Variants in ANOS1 observed in about 807,000 individuals in gnomAD.
The protein encoded by ANOS1 is anosmin-1.
In ANOS1, 6 loss-of-function variants were observed where a neutral mutation model predicts 59.0. The ratio of observed to expected loss-of-function variants is 0.10; its 90% CI spans 0.06 to 0.20. ANOS1 has a LOEUF of 0.20. Among genes scored for constraint, ANOS1 ranks in the 10% least tolerant of loss-of-function variants. ANOS1 has a pLI of 1.00. For synonymous variants in ANOS1, 217 were observed against 223.4 expected (o/e 0.97, Z 0.25); for missense variants, 433 against 542.3 (o/e 0.80, Z 2.00).
At chrX:8,553,625 A>T (rs1435027672) in intron 9 of ANOS1, among the ~76,000 whole-genome samples, 1 of 111,553 alleles carries the variant, frequency 9.0e-6, no homozygotes, top group East Asian at 2.8e-4. Context: ...TGTATTATGG[A>T]TCTTTAAAAA....
At chrX:8,625,292 T>C (rs746038911) in intron 2 of ANOS1, among the ~76,000 whole-genome samples, 2 of 111,834 alleles carry the variant, frequency 1.8e-5, no homozygotes, top group Non-Finnish European at 3.8e-5. Flanking sequence ...TTAATAGTCA[T>C]ATAGTCAGAT....
intron 2 of ANOS1, among the ~76,000 whole-genome samples, chrX:8,660,301 T>G (rs767761932): frequency 8.9e-6 from 1 of 112,132 alleles, no homozygotes; most frequent in Admixed American, 9.4e-5. Context: ...TTAGGTTTGT[T>G]TGTGTTCTCC....
chrX:8,626,703 C>A (rs984805366), intron 2 of ANOS1, among the ~76,000 whole-genome samples: 1 of 107,971 alleles, frequency 9.3e-6, no homozygotes, highest in Non-Finnish European at 1.9e-5. Flanking sequence ...ACTAAAAATA[C>A]AAAAAAAATT....
chrX:8,601,934 T>C (rs1930850431), intron 3 of ANOS1, among the ~76,000 whole-genome samples: 1 of 112,270 alleles, frequency 8.9e-6, no homozygotes. Context: ...AGGAAGTCTG[T>C]ATTCTTCTAC....
intron 2 of ANOS1, among the ~76,000 whole-genome samples, chrX:8,664,287 T>C (rs1932093174): frequency 9.0e-6 from 1 of 111,182 alleles, no homozygotes; most frequent in African/African-American, 3.3e-5. Flanking sequence ...GCCTCCCGGG[T>C]TCACGCCATT....
chrX:8,630,304 G>A (rs1029797829), intron 2 of ANOS1, among the ~76,000 whole-genome samples: 2 of 110,950 alleles, frequency 1.8e-5, no homozygotes, highest in Non-Finnish European at 3.8e-5. Context: ...GGTGGCAAGC[G>A]CCTGTAATCC....
At chrX:8,724,204 T>C (rs1388542045) in intron 1 of ANOS1, among the ~76,000 whole-genome samples, 1 of 112,387 alleles carries the variant, frequency 8.9e-6, no homozygotes, top group Non-Finnish European at 1.9e-5. Flanking sequence ...GAACAGGTCA[T>C]TTCTATAAGA....
chrX:8,562,991 A>G (rs1930056100), intron 8 of ANOS1, among the ~76,000 whole-genome samples: 1 of 112,475 alleles, frequency 8.9e-6, no homozygotes, highest in African/African-American at 3.2e-5. Flanking sequence ...TAGTTGGTTC[A>G]TGATGAAATA....
chrX:8,593,966 C>A (rs1038843352), intron 4 of ANOS1, among the ~76,000 whole-genome samples: 1 of 111,759 alleles, frequency 8.9e-6, no homozygotes, highest in Non-Finnish European at 1.9e-5. Context: ...CTTAGTTAGC[C>A]TATTATATCA....
intron 2 of ANOS1, among the ~76,000 whole-genome samples, chrX:8,672,104 C>T (rs1273807538): frequency 1.8e-5 from 2 of 111,209 alleles, no homozygotes; most frequent in Non-Finnish European, 3.8e-5. Flanking sequence ...TAAAAAATCT[C>T]TTCCTGGAAG....
rs751275387 is a variant in ANOS1 at position 8,532,962 on chromosome X, T to A, written c.*33A>T. 3.2e-6 allele frequency: 3 copies of A among 942,472 alleles called. No individual in the cohort carries two copies. Among genetic ancestry groups the A allele is most frequent in the Middle Eastern group, 2.6e-4 (1 of 3,866 alleles). The allele number at this position is 942,472 out of a possible 1,213,427, so 77.7% of individuals were successfully genotyped here. A position where few individuals can be genotyped will look rare whatever the true frequency, so the allele number is the denominator to read the frequency against. On this transcript the variant is annotated 3_prime_UTR_variant, in exon 14 of 14. Transcript: ENST00000262648. Reference sequence around the variant, plus strand: ...GGCCGAAGTTCAACAAGCTTACACATCTGTGCAATTTCACAAAATCTTTTT... The same window carrying A: ...GGCCGAAGTTCAACAAGCTTACACAACTGTGCAATTTCACAAAATCTTTTT...
intron 4 of ANOS1, among the ~76,000 whole-genome samples, chrX:8,588,519 TCTC>T (rs910934861): frequency 3.6e-5 from 4 of 112,138 alleles, no homozygotes; most frequent in Non-Finnish European, 7.5e-5. Context: ...TCATGTGAAA[TCTC>T]CTAAGAGTGA....
chrX:8,695,868 T>C (rs773606980), intron 2 of ANOS1, among the ~76,000 whole-genome samples: 37 of 111,306 alleles, frequency 3.3e-4, no homozygotes, highest in Non-Finnish European at 1.5e-4. Flanking sequence ...TCAAATCCTG[T>C]GTAGGGGATT....
At chrX:8,589,461 G>T (rs1930578123) in intron 4 of ANOS1, among the ~76,000 whole-genome samples, 1 of 111,825 alleles carries the variant, frequency 8.9e-6, no homozygotes. Flanking sequence ...CTGATCTCAG[G>T]TTTCTCTCTG....
At chrX:8,719,240 T>C (rs1378772073) in intron 1 of ANOS1, among the ~76,000 whole-genome samples, 1 of 112,017 alleles carries the variant, frequency 8.9e-6, no homozygotes, top group African/African-American at 3.2e-5. Context: ...TAACAAGGAG[T>C]CTACATTTCA....
At chrX:8,624,308 G>A (rs1931354784) in intron 2 of ANOS1, among the ~76,000 whole-genome samples, 1 of 111,185 alleles carries the variant, frequency 9.0e-6, no homozygotes, top group African/African-American at 3.3e-5. Context: ...GAGCCACTGC[G>A]CCCAGCCAAG....
At chrX:8,573,302 A>T (rs1248353965) in intron 6 of ANOS1, among the ~76,000 whole-genome samples, 1 of 110,767 alleles carries the variant, frequency 9.0e-6, no homozygotes, top group Non-Finnish European at 1.9e-5. Context: ...ACATCAGGTG[A>T]TCCACTCGCC....
At chrX:8,619,496 CA>C (rs1931249939) in intron 3 of ANOS1, among the ~76,000 whole-genome samples, 1 of 110,891 alleles carries the variant, frequency 9.0e-6, no homozygotes, top group South Asian at 3.8e-4. Context: ...CCCAGCTACT[CA>C]GGAGGCTGAG....
chrX:8,692,069 T>C (rs1932616357), intron 2 of ANOS1, among the ~76,000 whole-genome samples: 1 of 111,873 alleles, frequency 8.9e-6, no homozygotes, highest in African/African-American at 3.2e-5. Flanking sequence ...GTGAATGTAA[T>C]GTCATAGAAG....
Sources: allele counts gnomAD v4.1 joint callset (sites outside exome capture counted in the v4.1 genomes callset), GRCh38; gene constraint gnomAD v4.1.1; transcripts MANE v1.5; gene names NCBI Gene and HGNC (gene_info 2026-07-23, HGNC 2026-07-21).